The following PPP1R7 variants were observed in gnomAD, a reference collection of about 807,000 sequenced individuals.
PPP1R7 encodes protein phosphatase 1 regulatory subunit 22.
A neutral mutation model predicts 45.2 loss-of-function variants in PPP1R7; 18 were observed. The observed-to-expected ratio is 0.40, with a 90% CI of 0.28 to 0.59. The LOEUF (loss-of-function observed/expected upper bound fraction) is 0.59, where lower values mean the gene tolerates loss of function less well. Among genes scored for constraint, PPP1R7 ranks in the 20% least tolerant of loss-of-function variants. The probability of loss-of-function intolerance (pLI) is 0.46; values close to 1 mark genes in which losing one functional copy is unlikely to be tolerated. For synonymous variants in PPP1R7, 181 were observed against 183.4 expected, an observed-to-expected ratio of 0.99 and a Z score of 0.11; for missense variants, 314 against 455.8, an observed-to-expected ratio of 0.69 and a Z score of 2.83.
chr2:241,177,736 C>A (rs898390791), intron 9 of PPP1R7, among the ~76,000 whole-genome samples: 3 of 152,212 alleles, frequency 2.0e-5, no homozygotes, highest in Non-Finnish European at 2.9e-5. Context: ...CCAGCACTGC[C>A]CTGCTCAGGC....
intron 5 of PPP1R7, among the ~76,000 whole-genome samples, chr2:241,159,616 A>G (rs2067540113): frequency 6.6e-6 from 1 of 152,226 alleles, no homozygotes. Context: ...GACTTCTGGA[A>G]AGCCTCCATT....
intron 8 of PPP1R7, 95 bp downstream of exon 8, chr2:241,166,536 G>T (rs556356364): frequency 4.9e-6 from 5 of 1,028,296 alleles, no homozygotes; most frequent in Non-Finnish European, 5.9e-6. Flanking sequence ...TCTCGGGCCG[G>T]TGTCAGGAAG....
At chr2:241,154,620 G>A (rs183964125) in intron 2 of PPP1R7, among the ~76,000 whole-genome samples, 7 of 152,272 alleles carry the variant, frequency 4.6e-5, no homozygotes, top group African/African-American at 1.4e-4. Context: ...CAGGAGAATC[G>A]CTTGAACCAG....
chr2:241,181,838 C>A (rs1222064726), intron 9 of PPP1R7, among the ~76,000 whole-genome samples: 1 of 152,174 alleles, frequency 6.6e-6, no homozygotes, highest in African/African-American at 2.4e-5. Flanking sequence ...CCGCGGTTTG[C>A]CTGGCAGGCC....
intron 9 of PPP1R7, among the ~76,000 whole-genome samples, chr2:241,180,724 T>C (rs931092922): frequency 2.6e-5 from 4 of 151,888 alleles, no homozygotes; most frequent in Admixed American, 1.3e-4. Context: ...TTTAAGAAGG[T>C]ACGCTCACGT....
At position 241,169,880 on chromosome 2, in the gene PPP1R7, C is replaced by T; in HGVS notation, c.906+13C>T. On this transcript the variant is annotated intron_variant, in intron 9 of 9. Transcript: ENST00000234038. ...GCAAGAGTTCTGGGTAAGTTTAATA[C>T]ACGCTGGGGTTGATGACACTTTGAC... The T allele has an allele frequency of 6.3e-7, 1 of 1,584,198 alleles. No homozygotes were observed. The highest frequency in any genetic ancestry group is 8.7e-7 in the Non-Finnish European group (1 of 1,152,868).
chr2:241,171,421 C>T (rs2067814645), intron 9 of PPP1R7, among the ~76,000 whole-genome samples: 1 of 152,234 alleles, frequency 6.6e-6, no homozygotes, highest in South Asian at 2.1e-4. Flanking sequence ...GGTCATATTA[C>T]CCCATTTTAC....
intron 2 of PPP1R7, among the ~76,000 whole-genome samples, chr2:241,154,633 A>C (rs2067407484): frequency 6.6e-6 from 1 of 152,196 alleles, no homozygotes; most frequent in Admixed American, 6.5e-5. Flanking sequence ...TGAACCAGGG[A>C]GGCAGAGGTT....
intron 1 of PPP1R7, 122 bp downstream of exon 1, chr2:241,150,669 C>T (rs1250365012): frequency 1.5e-6 from 2 of 1,292,134 alleles, no homozygotes; most frequent in Non-Finnish European, 2.0e-6. Context: ...GCGCGGCCCC[C>T]TGACAGCTGA....
At chr2:241,171,192 C>T (rs1390645060) in intron 9 of PPP1R7, among the ~76,000 whole-genome samples, 1 of 152,164 alleles carries the variant, frequency 6.6e-6, no homozygotes, top group Non-Finnish European at 1.5e-5. Context: ...GTGCTGAGAC[C>T]ACAGGCAGGG....
intron 8 of PPP1R7, among the ~76,000 whole-genome samples, chr2:241,168,825 A>C (rs2067766154): frequency 6.6e-6 from 1 of 152,192 alleles, no homozygotes. Flanking sequence ...GGTACATTTC[A>C]GGGGAGATGG....
chr2:241,181,212 A>C (rs577418410), intron 9 of PPP1R7, among the ~76,000 whole-genome samples: 1 of 152,020 alleles, frequency 6.6e-6, no homozygotes, highest in Non-Finnish European at 1.5e-5. Context: ...AAAAGAAAAT[A>C]GGGTTCCTCA....
At chr2:241,152,539 A>C (rs2067348158) in intron 1 of PPP1R7, among the ~76,000 whole-genome samples, 1 of 152,176 alleles carries the variant, frequency 6.6e-6, no homozygotes, top group South Asian at 2.1e-4. Context: ...TGGGTTTTAT[A>C]AGGACTTGTT....
Position 241,182,887 on chromosome 2 carries a change from C to T in PPP1R7, c.*64C>T. 1 of 1,549,834 alleles carries T rather than the reference C, an allele frequency of 6.5e-7. No homozygotes were observed. The highest frequency in any genetic ancestry group is 1.2e-5 in the South Asian group (1 of 85,014). On this transcript the variant is annotated 3_prime_UTR_variant, in exon 10 of 10. Transcript: ENST00000234038. ...GAACTGCCCAGCCACGGGTTTTTAA[C>T]CCACCTGTTGCTCCTGAGGTCGTCA...
intron 9 of PPP1R7, among the ~76,000 whole-genome samples, chr2:241,180,983 G>C (rs961032052): frequency 2.6e-5 from 4 of 152,220 alleles, no homozygotes; most frequent in Non-Finnish European, 4.4e-5. Context: ...TGGATCACTT[G>C]AGGTCAGGAG....
Position 241,183,117 on chromosome 2 carries a change from G to A in PPP1R7, c.*294G>A. The stretch of plus-strand genomic sequence containing the variant: ...TAGAAATCCCTGTTTCCTTCTCTCA[G>A]AAGGCAGTCACAGTCCCTACCTGAG... On this transcript the variant is annotated 3_prime_UTR_variant, in exon 10 of 10. Transcript: ENST00000234038. 1 of 432,118 alleles carries A rather than the reference G, an allele frequency of 2.3e-6. No homozygotes were observed. The highest frequency in any genetic ancestry group is 4.3e-6 in the Non-Finnish European group (1 of 230,200). 26.8% of individuals were successfully genotyped at this position (432,118 alleles called of 1,614,324 possible). A position where few individuals can be genotyped will look rare whatever the true frequency, so the allele number is the denominator to read the frequency against.
chr2:241,158,783 C>T, intron 4 of PPP1R7: 1 of 532,284 alleles, frequency 1.9e-6, no homozygotes, highest in Non-Finnish European at 3.4e-6. Flanking sequence ...CAGCCAGTGA[C>T]CTGTGACTCT....
chr2:241,174,607 C>G (rs940244383), intron 9 of PPP1R7, among the ~76,000 whole-genome samples: 5 of 151,996 alleles, frequency 3.3e-5, no homozygotes, highest in Admixed American at 6.6e-5. Context: ...TGTTTCCTGT[C>G]TCTCAAGAAT....
chr2:241,178,747 C>T (rs1044913873), intron 9 of PPP1R7, among the ~76,000 whole-genome samples: 1 of 144,174 alleles, frequency 6.9e-6, no homozygotes, highest in Admixed American at 7.1e-5. Context: ...CTCAGCCTCC[C>T]GAGTAGCTCA....
Sources: gnomAD v4.1 joint callset for allele counts (sites outside exome capture counted in the v4.1 genomes callset) on GRCh38, gnomAD v4.1.1 for gene constraint, MANE v1.5 for transcripts, NCBI Gene and HGNC (gene_info 2026-07-23, HGNC 2026-07-21) for gene names.